Variants in EFL1 observed in about 807,000 individuals in gnomAD.
EFL1 encodes the protein elongation factor like GTPase 1.
Under a neutral mutation model 126.7 loss-of-function variants are expected in EFL1, and 76 were observed. That is an observed-to-expected ratio of 0.60 (90% confidence interval 0.50 to 0.73). EFL1 has a LOEUF of 0.73. Among genes scored for constraint, EFL1 ranks in the 30% least tolerant of loss-of-function variants. The pLI is 0.00. For missense variants in EFL1, 1,128 were observed against 1,343.2 expected (o/e 0.84, Z 2.50); for synonymous variants, 410 against 448.4 (o/e 0.91, Z 1.08).
chr15:82,222,234 T>C (rs1338966307), intron 12 of EFL1, among the ~76,000 whole-genome samples: 2 of 152,198 alleles, frequency 1.3e-5, no homozygotes, highest in African/African-American at 4.8e-5. Context: ...GAAGTAGATA[T>C]CGTATTCCTA....
At chr15:82,190,534 G>C (rs1320943546) in intron 15 of EFL1, among the ~76,000 whole-genome samples, 2 of 152,142 alleles carry the variant, frequency 1.3e-5, no homozygotes, top group African/African-American at 4.8e-5. Context: ...GAGTCATAAA[G>C]AGTTGTGCCA....
intron 6 of EFL1, 88 bp downstream of exon 6, chr15:82,240,330 T>C: frequency 7.6e-7 from 1 of 1,323,302 alleles, no homozygotes; most frequent in Non-Finnish European, 1.0e-6. Flanking sequence ...AGTTCCCTTT[T>C]CTGTAGCAAC....
chr15:82,141,127 C>T (rs1204723466), intron 18 of EFL1, among the ~76,000 whole-genome samples: 6 of 152,114 alleles, frequency 3.9e-5, no homozygotes, highest in Non-Finnish European at 7.4e-5. Context: ...CCTGTTTTAT[C>T]GTGGCCACTC....
chr15:82,217,398 A>G (rs1396918302), intron 14 of EFL1, among the ~76,000 whole-genome samples: 4 of 142,956 alleles, frequency 2.8e-5, no homozygotes, highest in Non-Finnish European at 4.6e-5. Context: ...AAAAAAAACG[A>G]AAACAGCAAA....
chr15:82,262,308 T>C (rs1217165841), intron 1 of EFL1: 1 of 155,182 alleles, frequency 6.4e-6, no homozygotes, highest in African/African-American at 2.4e-5. Flanking sequence ...GGTCACGTGC[T>C]TATTATCCAA....
At position 82,252,786 on chromosome 15, in the gene EFL1, G is replaced by GCAA. The variant is rs777820839; in HGVS notation, c.160-14_160-12dup. Reference sequence around the variant, plus strand: ...GTCCATGTACCTTAACTGGAAAAATGCAACATATGCATCTTCACTTCCCAA... The same window carrying GCAA: ...GTCCATGTACCTTAACTGGAAAAATGCAACAACATATGCATCTTCACTTCCCAA... On this transcript the variant is annotated splice_polypyrimidine_tract_variant and intron_variant, in intron 3 of 19. Transcript: ENST00000268206. 1.4e-5 allele frequency: 19 copies of GCAA among 1,404,022 alleles called. No individual in the cohort carries two copies. Among genetic ancestry groups the GCAA allele is most frequent in the Non-Finnish European group, 1.8e-5 (18 of 994,270 alleles). 87.0% of individuals were successfully genotyped at this position (1,404,022 alleles called of 1,614,324 possible). A position where few individuals can be genotyped will look rare whatever the true frequency, so the allele number is the denominator to read the frequency against.
At chr15:82,198,734 G>A (rs1455214376) in intron 15 of EFL1, among the ~76,000 whole-genome samples, 1 of 152,158 alleles carries the variant, frequency 6.6e-6, no homozygotes, top group African/African-American at 2.4e-5. Flanking sequence ...CTATGCAGAT[G>A]CAGTTTCAGG....
intron 17 of EFL1, among the ~76,000 whole-genome samples, chr15:82,154,861 A>C (rs2073951055): frequency 1.3e-5 from 2 of 152,202 alleles, no homozygotes; most frequent in South Asian, 4.1e-4. Flanking sequence ...TCCTGGGCTC[A>C]AGCAACCCTC....
intron 19 of EFL1, among the ~76,000 whole-genome samples, chr15:82,132,723 T>G (rs2073670931): frequency 1.7e-4 from 21 of 126,704 alleles, no homozygotes; most frequent in South Asian, 5.9e-4. Flanking sequence ...CAAGGGCGAA[T>G]GGATGGAATT....
intron 18 of EFL1, among the ~76,000 whole-genome samples, chr15:82,147,645 A>AAT (rs1159133223): frequency 6.6e-6 from 1 of 151,254 alleles, no homozygotes; most frequent in Non-Finnish European, 1.5e-5. Flanking sequence ...AAAAAAAAAA[A>AAT]GGAAAGATAT....
intron 19 of EFL1, among the ~76,000 whole-genome samples, chr15:82,135,523 T>C (rs745767903): frequency 3.1e-4 from 47 of 152,288 alleles, no homozygotes; most frequent in Non-Finnish European, 5.6e-4. Flanking sequence ...ACAGTAAATA[T>C]CTTAGACTTT....
intron 19 of EFL1, among the ~76,000 whole-genome samples, chr15:82,132,682 G>T (rs1595931836): frequency 6.2e-5 from 1 of 16,146 alleles, no homozygotes; most frequent in Admixed American, 5.7e-4. Flanking sequence ...TCCAGGAATT[G>T]GGGGGGGGGG....
intron 2 of EFL1, among the ~76,000 whole-genome samples, chr15:82,259,928 ATATGTATTAG>A (rs1457115190): frequency 6.6e-6 from 1 of 152,236 alleles, no homozygotes; most frequent in Non-Finnish European, 1.5e-5. Flanking sequence ...TGCAATGTAA[ATATGTATTAG>A]CATATAATCC....
chr15:82,224,596 T>G (rs1225594319), intron 12 of EFL1, among the ~76,000 whole-genome samples: 1 of 152,094 alleles, frequency 6.6e-6, no homozygotes, highest in South Asian at 2.1e-4. Flanking sequence ...GAGAACCAGC[T>G]AGGAGGTTGC....
At chr15:82,210,785 C>G (rs2074575642) in intron 15 of EFL1, among the ~76,000 whole-genome samples, 1 of 151,408 alleles carries the variant, frequency 6.6e-6, no homozygotes, top group South Asian at 2.1e-4. Context: ...TCGTTTGAAC[C>G]CAGGAGACAG....
At chr15:82,237,611 A>C (rs1403632886) in intron 7 of EFL1, among the ~76,000 whole-genome samples, 1 of 152,218 alleles carries the variant, frequency 6.6e-6, no homozygotes, top group Non-Finnish European at 1.5e-5. Flanking sequence ...GTTTCTTTAA[A>C]AACTAAACAT....
intron 15 of EFL1, among the ~76,000 whole-genome samples, chr15:82,177,259 T>G (rs17354842): frequency 0.44 from 66,864 of 152,090 alleles, 17,186 homozygotes; most frequent in African/African-American, 0.71. Flanking sequence ...TTGACACAAA[T>G]TACATGGGTA....
chr15:82,254,307 C>T (rs2075048528), intron 3 of EFL1, among the ~76,000 whole-genome samples: 1 of 152,188 alleles, frequency 6.6e-6, no homozygotes, highest in African/African-American at 2.4e-5. Flanking sequence ...TTTCCCTTCA[C>T]CTCTCCAACC....
intron 15 of EFL1, among the ~76,000 whole-genome samples, chr15:82,192,874 G>GA (rs1353496832): frequency 6.6e-6 from 1 of 152,022 alleles, no homozygotes; most frequent in Non-Finnish European, 1.5e-5. Flanking sequence ...AAAGAGGTAG[G>GA]AAAAAAAGTA....
Sources: gnomAD v4.1 joint callset for allele counts (sites outside exome capture counted in the v4.1 genomes callset) on GRCh38, gnomAD v4.1.1 for gene constraint, MANE v1.5 for transcripts, NCBI Gene and HGNC (gene_info 2026-07-23, HGNC 2026-07-21) for gene names.